The following GTF2H3 variants were observed in gnomAD, a reference collection of about 807,000 sequenced individuals.
GTF2H3 encodes the protein general transcription factor IIH subunit 3.
GTF2H3 carries 42 observed loss-of-function variants against 51.1 expected under a neutral mutation model. That is an observed-to-expected ratio of 0.82 (90% confidence interval 0.64 to 1.06). The LOEUF (loss-of-function observed/expected upper bound fraction) is 1.06, where lower values mean the gene tolerates loss of function less well. GTF2H3 is among the 50% of genes least tolerant of loss of function. The pLI, the probability that GTF2H3 is intolerant of heterozygous loss-of-function variation, is 0.00. For missense variants in GTF2H3, 326 were observed against 366.1 expected, an observed-to-expected ratio of 0.89 and a Z score of 0.89; for synonymous variants, 123 against 123.8, an observed-to-expected ratio of 0.99 and a Z score of 0.04.
At chr12:123,644,418 G>A (rs7966882) in intron 2 of GTF2H3, among the ~76,000 whole-genome samples, 75,425 of 151,892 alleles carry the variant, frequency 0.5, 20,555 homozygotes, top group African/African-American at 0.72. Flanking sequence ...CTGTAATCCC[G>A]GCACTTTGGG....
chr12:123,653,539 C>T (rs1955545753), intron 7 of GTF2H3, among the ~76,000 whole-genome samples: 1 of 151,788 alleles, frequency 6.6e-6, no homozygotes. Flanking sequence ...GTCCCAGCTA[C>T]TCGGGAGGCT....
At chr12:123,650,056 T>G (rs1056460818) in intron 4 of GTF2H3, 2 of 152,184 alleles carry the variant, frequency 1.3e-5, no homozygotes, top group Non-Finnish European at 2.9e-5. Flanking sequence ...AATCTCACCT[T>G]GAGAGTCACT....
chr12:123,643,338 A>C (rs1383852756), intron 2 of GTF2H3, among the ~76,000 whole-genome samples: 1 of 152,154 alleles, frequency 6.6e-6, no homozygotes, highest in South Asian at 2.1e-4. Flanking sequence ...TGTATCAGTA[A>C]TATTCGTATG....
chr12:123,634,277 CA>C (rs201234380), intron 1 of GTF2H3, among the ~76,000 whole-genome samples: 10 of 151,628 alleles, frequency 6.6e-5, no homozygotes, highest in Admixed American at 5.3e-4. Flanking sequence ...CCCATCTCTA[CA>C]AAAAAAATGA....
chr12:123,645,950 G>A (rs1351275598), intron 3 of GTF2H3, among the ~76,000 whole-genome samples: 2 of 152,182 alleles, frequency 1.3e-5, no homozygotes, highest in Non-Finnish European at 2.9e-5. Flanking sequence ...CTCATGGCCT[G>A]TTTCCCTGCT....
At position 123,659,996 on chromosome 12, in the gene GTF2H3, T is replaced by A. The variant is rs148192814; in HGVS notation, c.821-50T>A. The stretch of plus-strand genomic sequence containing the variant: ...GGGGGCAGGAAAACAGTTTCTCAGC[T>A]GTGTTGTTTTTCAGCCACCCTATTG... On this transcript the variant is annotated intron_variant, in intron 11 of 12. Coordinates refer to ENST00000543341, the MANE Select transcript of GTF2H3 (RefSeq NM_001516.5). 1.6e-4 allele frequency: 263 copies of A among 1,595,038 alleles called. 1 individual carries two copies. The African/African-American group carries it at 3.1e-3, about 19-fold the overall frequency.
At chr12:123,641,811 T>C (rs1419223881) in intron 2 of GTF2H3, among the ~76,000 whole-genome samples, 1 of 152,192 alleles carries the variant, frequency 6.6e-6, no homozygotes, top group East Asian at 1.9e-4. Context: ...TTAATTCTTC[T>C]GTTGATTTGA....
At chr12:123,645,708 T>G in intron 3 of GTF2H3, 147 bp downstream of exon 3, 2 of 591,360 alleles carry the variant, frequency 3.4e-6, no homozygotes, top group South Asian at 2.2e-5. Flanking sequence ...AGCCAGTACA[T>G]GTACATTGTG....
intron 1 of GTF2H3, 124 bp downstream of exon 1, chr12:123,633,996 C>A: frequency 2.1e-6 from 2 of 963,130 alleles, no homozygotes; most frequent in Non-Finnish European, 3.3e-6. Flanking sequence ...GAGGAGTAGC[C>A]AAGGCATTCA....
intron 2 of GTF2H3, among the ~76,000 whole-genome samples, chr12:123,642,214 A>G (rs1955385805): frequency 6.8e-6 from 1 of 146,986 alleles, no homozygotes; most frequent in African/African-American, 2.5e-5. Flanking sequence ...TTTGTCGCCC[A>G]GGCTGGAGTG....
chr12:123,647,177 C>T (rs543558654), intron 3 of GTF2H3, among the ~76,000 whole-genome samples: 15 of 143,690 alleles, frequency 1.0e-4, no homozygotes, highest in Admixed American at 6.3e-4. Context: ...AAAAAAGTCA[C>T]GAAGTCACGA....
chr12:123,655,454 C>A (rs1955574756), intron 8 of GTF2H3: 1 of 319,396 alleles, frequency 3.1e-6, no homozygotes, highest in Admixed American at 4.6e-5. Flanking sequence ...CTTAAAATTT[C>A]AGTTTTAATG....
At chr12:123,641,145 C>T (rs576005311) in intron 2 of GTF2H3, among the ~76,000 whole-genome samples, 2 of 151,766 alleles carry the variant, frequency 1.3e-5, no homozygotes, top group Admixed American at 6.6e-5. Context: ...GAGCAAGACC[C>T]CGTCTCAAAA....
chr12:123,641,040 T>C (rs1254535923), intron 2 of GTF2H3, among the ~76,000 whole-genome samples: 1 of 152,108 alleles, frequency 6.6e-6, no homozygotes, highest in Non-Finnish European at 1.5e-5. Context: ...TAGTCCCAGC[T>C]ACTTGAGGCG....
At chr12:123,647,488 A>G (rs539788134) in intron 3 of GTF2H3, among the ~76,000 whole-genome samples, 7 of 152,182 alleles carry the variant, frequency 4.6e-5, no homozygotes, top group Non-Finnish European at 8.8e-5. Context: ...AAAAAGAGTC[A>G]TGAATCACTG....
At chr12:123,637,832 C>G (rs892212245) in intron 1 of GTF2H3, among the ~76,000 whole-genome samples, 1 of 152,090 alleles carries the variant, frequency 6.6e-6, no homozygotes, top group African/African-American at 2.4e-5. Context: ...TACGATTGGC[C>G]TTGCTGCTAC....
chr12:123,652,983 C>T (rs1269579142), intron 7 of GTF2H3, among the ~76,000 whole-genome samples: 1 of 151,830 alleles, frequency 6.6e-6, no homozygotes, highest in Non-Finnish European at 1.5e-5. Context: ...GATCCCGAGG[C>T]AGGAGAATCG....
At position 123,648,001 on chromosome 12, in the gene GTF2H3, A is replaced by G; in HGVS notation, c.239A>G (p.Asp80Gly). Reference protein sequence around the residue: ...LYPGKNGRLGDFFGDPGNPPE... With the variant: ...LYPGKNGRLGGFFGDPGNPPE... ...CCTGGAAAGAATGGCAGACTTGGAG[A>G]CTTCTTCGGAGACCCTGGCAACCCT... is the stretch of plus-strand genomic sequence containing the variant. The change falls in exon 4 of 13, where the codon GAC becomes GGC. Residue 80 changes from aspartate (D) to glycine (G), a missense_variant. Coordinates refer to ENST00000543341, the MANE Select transcript of GTF2H3 (RefSeq NM_001516.5). 1 of 1,613,498 alleles carries G rather than the reference A, an allele frequency of 6.2e-7. No homozygotes were observed. Among genetic ancestry groups the G allele is most frequent in the Non-Finnish European group, 8.5e-7 (1 of 1,179,698 alleles).
At chr12:123,649,350 A>G (rs1392823217) in intron 4 of GTF2H3, 1 of 152,204 alleles carries the variant, frequency 6.6e-6, no homozygotes, top group Non-Finnish European at 1.5e-5. Flanking sequence ...CAGCTGTCCT[A>G]TGCGTTGTAG....
Sources: allele counts gnomAD v4.1 joint callset (sites outside exome capture counted in the v4.1 genomes callset), GRCh38; gene constraint gnomAD v4.1.1; transcripts MANE v1.5; gene names NCBI Gene and HGNC (gene_info 2026-07-23, HGNC 2026-07-21).